The following SLC30A8 variants were observed in gnomAD, a reference collection of about 807,000 sequenced individuals.
SLC30A8 encodes the protein solute carrier family 30 member 8, also known as proton-coupled zinc antiporter SLC30A8.
In SLC30A8, 27 loss-of-function variants were observed where a neutral mutation model predicts 36.9. The observed-to-expected ratio is 0.73, with a 90% CI of 0.54 to 1.01. SLC30A8 has a LOEUF of 1.01. SLC30A8 is among the 50% of genes least tolerant of loss of function. The probability of loss-of-function intolerance (pLI) is 0.00; values close to 1 mark genes in which losing one functional copy is unlikely to be tolerated. For missense variants in SLC30A8, 439 were observed against 452.0 expected, an observed-to-expected ratio of 0.97 and a Z score of 0.26; for synonymous variants, 164 against 172.4, an observed-to-expected ratio of 0.95 and a Z score of 0.38.
chr8:117,014,903 C>T (rs904732460), intron 1 of SLC30A8, among the ~76,000 whole-genome samples: 4 of 152,086 alleles, frequency 2.6e-5, no homozygotes, highest in African/African-American at 7.2e-5. Context: ...ACCTTCTTCT[C>T]TGCTAATATC....
intron 2 of SLC30A8, among the ~76,000 whole-genome samples, chr8:117,052,874 A>G (rs780678874): frequency 6.6e-6 from 1 of 151,316 alleles, no homozygotes; most frequent in Non-Finnish European, 1.5e-5. Flanking sequence ...ATTTCATTTC[A>G]GGGTAATGTA....
At chr8:117,133,024 C>G (rs548015739), upstream of SLC30A8, among the ~76,000 whole-genome samples, 1 of 151,856 alleles carries the variant, frequency 6.6e-6, no homozygotes, top group African/African-American at 2.4e-5. Context: ...TAATTAATTT[C>G]CTAGTACTTT....
At chr8:117,069,561 A>G (rs1818267646) in intron 2 of SLC30A8, among the ~76,000 whole-genome samples, 1 of 152,244 alleles carries the variant, frequency 6.6e-6, no homozygotes, top group Non-Finnish European at 1.5e-5. Flanking sequence ...TCCAGAGAAG[A>G]GTACAATGGA....
intron 1 of SLC30A8, among the ~76,000 whole-genome samples, chr8:116,997,526 T>G (rs907973174): frequency 1.3e-5 from 2 of 152,196 alleles, no homozygotes; most frequent in African/African-American, 4.8e-5. Flanking sequence ...AGCTTGCTTT[T>G]GGGATGTTTT....
chr8:117,160,415 G>GTA (rs1822720419), intron 4 of SLC30A8, among the ~76,000 whole-genome samples: 1 of 145,572 alleles, frequency 6.9e-6, no homozygotes, highest in African/African-American at 2.8e-5. Context: ...GTGTGTGTGT[G>GTA]TGTGTGTGTG....
intron 1 of SLC30A8, among the ~76,000 whole-genome samples, chr8:116,996,163 G>T (rs1456353141): frequency 6.6e-6 from 1 of 152,108 alleles, no homozygotes; most frequent in Non-Finnish European, 1.5e-5. Flanking sequence ...TGACAAAGTG[G>T]ATTGTTCAAG....
chr8:116,987,649 G>A (rs1815494907), intron 1 of SLC30A8, among the ~76,000 whole-genome samples: 1 of 151,698 alleles, frequency 6.6e-6, no homozygotes, highest in African/African-American at 2.4e-5. Context: ...TCCATAGCCT[G>A]TGAGCTAGGT....
chr8:116,968,713 C>G (rs1253470278), intron 1 of SLC30A8, among the ~76,000 whole-genome samples: 1 of 151,914 alleles, frequency 6.6e-6, no homozygotes, highest in Non-Finnish European at 1.5e-5. Context: ...GAACTACCTT[C>G]TGCCACAATG....
chr8:116,968,411 C>G (rs1350026023), intron 1 of SLC30A8, among the ~76,000 whole-genome samples: 1 of 150,550 alleles, frequency 6.6e-6, no homozygotes, highest in South Asian at 2.1e-4. Context: ...TATAGTATAG[C>G]TTATTGTACT....
At chr8:117,023,058 G>T (rs1816755364) in intron 1 of SLC30A8, among the ~76,000 whole-genome samples, 1 of 152,184 alleles carries the variant, frequency 6.6e-6, no homozygotes, top group Non-Finnish European at 1.5e-5. Context: ...CAACAAGTGG[G>T]TGAAGGATAT....
intron 1 of SLC30A8, among the ~76,000 whole-genome samples, chr8:116,987,063 A>G (rs1815469551): frequency 6.6e-6 from 1 of 151,680 alleles, no homozygotes; most frequent in South Asian, 2.1e-4. Flanking sequence ...GCACATTGGT[A>G]TGGAAGAAAA....
At chr8:117,042,738 T>A (rs1012320841) in intron 2 of SLC30A8, among the ~76,000 whole-genome samples, 1 of 152,040 alleles carries the variant, frequency 6.6e-6, no homozygotes, top group Non-Finnish European at 1.5e-5. Context: ...TGCAGTGGCA[T>A]GATCTTGGAT....
At chr8:117,167,099 G>GACTT (rs1823096077) in intron 6 of SLC30A8, among the ~76,000 whole-genome samples, 1 of 151,910 alleles carries the variant, frequency 6.6e-6, no homozygotes, top group South Asian at 2.1e-4. Flanking sequence ...GGAAGTTATT[G>GACTT]ACTTAAAGAA....
At chr8:117,022,485 G>T (rs1816732010) in intron 1 of SLC30A8, among the ~76,000 whole-genome samples, 2 of 152,156 alleles carry the variant, frequency 1.3e-5, no homozygotes, top group Admixed American at 1.3e-4. Context: ...TGGATTCAAT[G>T]ATAAATTAGA....
chr8:117,018,541 T>C (rs75234379), intron 1 of SLC30A8, among the ~76,000 whole-genome samples: 30,997 of 151,906 alleles, frequency 0.2, 3,192 homozygotes, highest in African/African-American at 0.24. Flanking sequence ...TTGATAGCAC[T>C]GCTGTGTTGG....
At chr8:116,986,911 C>T (rs553877688) in intron 1 of SLC30A8, among the ~76,000 whole-genome samples, 9 of 152,260 alleles carry the variant, frequency 5.9e-5, no homozygotes, top group African/African-American at 1.9e-4. Context: ...TCTTGCTTCA[C>T]CACCTTTCAT....
intron 5 of SLC30A8, among the ~76,000 whole-genome samples, chr8:117,163,114 T>C (rs568120587): frequency 1.3e-5 from 2 of 152,338 alleles, no homozygotes; most frequent in African/African-American, 4.8e-5. Context: ...CTCTGTACTT[T>C]TATTAATCTG....
At chr8:117,024,931 C>T (rs763217934) in intron 1 of SLC30A8, among the ~76,000 whole-genome samples, 1 of 152,076 alleles carries the variant, frequency 6.6e-6, no homozygotes, top group South Asian at 2.1e-4. Flanking sequence ...AGCCCAGTAT[C>T]CATTAGCTAT....
chr8:116,998,842 C>G (rs1247627727), intron 1 of SLC30A8, among the ~76,000 whole-genome samples: 3 of 152,192 alleles, frequency 2.0e-5, no homozygotes, highest in Non-Finnish European at 2.9e-5. Flanking sequence ...TTACCTAATA[C>G]CTTCGGAGGG....
Sources: allele counts gnomAD v4.1 joint callset (sites outside exome capture counted in the v4.1 genomes callset), GRCh38; gene constraint gnomAD v4.1.1; transcripts MANE v1.5; gene names NCBI Gene and HGNC (gene_info 2026-07-23, HGNC 2026-07-21).